Variants in DNTT observed in about 807,000 individuals in gnomAD.
The protein encoded by DNTT is DNA nucleotidylexotransferase, also known as nucleosidetriphosphate:DNA deoxynucleotidylexotransferase.
DNTT carries 47 observed loss-of-function variants against 60.9 expected under a neutral mutation model. The ratio of observed to expected loss-of-function variants is 0.77; its 90% CI spans 0.61 to 0.98. The LOEUF is 0.98. Among genes scored for constraint, DNTT ranks in the 50% least tolerant of loss-of-function variants. DNTT has a pLI of 0.00. For missense variants in DNTT, 665 were observed against 627.5 expected (o/e 1.06, Z -0.64); for synonymous variants, 224 against 221.2 (o/e 1.01, Z -0.11).
intron 1 of DNTT, among the ~76,000 whole-genome samples, chr10:96,313,724 G>A (rs868085384): frequency 3.3e-5 from 5 of 152,212 alleles, no homozygotes; most frequent in African/African-American, 9.6e-5. Flanking sequence ...TTATATGCCA[G>A]TATTTATTGT....
In DNTT at chr10:96,319,259, T is replaced by C. The variant is rs1306352959; in HGVS notation, c.379-3T>C. 7 of 1,611,988 alleles carry C rather than the reference T, an allele frequency of 4.3e-6. No homozygotes were observed. The highest frequency in any genetic ancestry group is 1.3e-5 in the African/African-American group (1 of 74,854). On this transcript the variant is annotated splice_region_variant and splice_polypyrimidine_tract_variant and intron_variant, in intron 2 of 10. Transcript: ENST00000371174. ...GAAAATGGATGCTTATGCATTTGTT[T>C]AGGTGAGAAGAGACTATTCAGATAG...
In DNTT at chr10:96,328,036, TAA is replaced by T. The variant is rs1361738859; in HGVS notation, c.1007+437_1007+438del. ...TTGTTCCTGTGTGTGGTTTCTCCAC[TAA>T]GTTTGTAGAGCTTAGTTCTCAGCAA... On this transcript the variant is annotated intron_variant, in intron 7 of 10. Transcript: ENST00000371174. Among the ~76,000 whole-genome samples the T allele has an allele frequency of 6.6e-5, 10 of 152,320 alleles. No homozygotes were observed. The East Asian group carries it at 1.9e-3, about 29-fold the overall frequency.
In DNTT at chr10:96,338,325, C is replaced by A; in HGVS notation, c.*101C>A. The A allele has an allele frequency of 9.3e-7, 1 of 1,073,826 alleles. No homozygotes were observed. The highest frequency in any genetic ancestry group is 1.3e-6 in the Non-Finnish European group (1 of 750,578). 66.5% of individuals were successfully genotyped at this position (1,073,826 alleles called of 1,614,324 possible). A position where few individuals can be genotyped will look rare whatever the true frequency, so the allele number is the denominator to read the frequency against. ...TAGGAGAGTTTGGGGTTATTTAGGT[C>A]TTATTGAAATGCAGATTGCTACTAG... is the stretch of plus-strand genomic sequence containing the variant. On this transcript the variant is annotated 3_prime_UTR_variant, in exon 11 of 11. Transcript: ENST00000371174.
chr10:96,307,701 G>GTATA (rs1197196328), intron 1 of DNTT, among the ~76,000 whole-genome samples: 178 of 85,008 alleles, frequency 2.1e-3, no homozygotes, highest in African/African-American at 5.8e-3. Flanking sequence ...GTGTGTGTGT[G>GTATA]TGTGTATATA....
intron 1 of DNTT, among the ~76,000 whole-genome samples, chr10:96,318,132 T>C (rs1163914336): frequency 6.6e-6 from 1 of 152,180 alleles, no homozygotes; most frequent in Non-Finnish European, 1.5e-5. Flanking sequence ...AATGTTGTCT[T>C]TATTGTTCGT....
At chr10:96,313,690 T>G (rs973182853) in intron 1 of DNTT, among the ~76,000 whole-genome samples, 6 of 152,224 alleles carry the variant, frequency 3.9e-5, no homozygotes, top group Admixed American at 6.5e-5. Context: ...TAGTCACAAG[T>G]ATTTCTTTCT....
chr10:96,322,580 A>G, intron 4 of DNTT, 77 bp from the exon 5 acceptor site: 1 of 1,184,612 alleles, frequency 8.4e-7, no homozygotes, highest in Non-Finnish European at 1.2e-6. Flanking sequence ...CCAAACTACT[A>G]GGTCCATGAA....
At chr10:96,307,777 A>ATATATAT (rs768634575) in intron 1 of DNTT, among the ~76,000 whole-genome samples, 14 of 126,032 alleles carry the variant, frequency 1.1e-4, no homozygotes, top group African/African-American at 4.3e-4. Context: ...ATATATATAT[A>ATATATAT]TTTTTTTTTT....
intron 2 of DNTT, 82 bp from the exon 3 acceptor site, chr10:96,319,180 C>A: frequency 6.7e-7 from 1 of 1,493,660 alleles, no homozygotes; most frequent in Non-Finnish European, 9.0e-7. Flanking sequence ...CAACTACAGA[C>A]AACTACTTCC....
intron 2 of DNTT, 66 bp downstream of exon 2, chr10:96,318,592 A>C: frequency 6.4e-7 from 1 of 1,554,458 alleles, no homozygotes; most frequent in Non-Finnish European, 8.7e-7. Context: ...GCTTAGGATC[A>C]ACGGAGCTGG....
chr10:96,331,616 T>C (rs1845007671), intron 8 of DNTT, among the ~76,000 whole-genome samples: 1 of 152,092 alleles, frequency 6.6e-6, no homozygotes, highest in South Asian at 2.1e-4. Flanking sequence ...GCACAAGTCA[T>C]TCATGAGAGA....
At position 96,328,801 on chromosome 10, in the gene DNTT, C is replaced by T. The variant is rs769662265; in HGVS notation, c.1084C>T (p.Gln362Ter). The change falls in exon 8 of 11, where the codon CAG (glutamine) becomes TAG (stop). Residue 362 changes from glutamine (Q) to a stop codon, truncating the protein, a stop_gained. Transcript: ENST00000371174. LOFTEE classifies it high-confidence loss of function. ...AACAGAGGATGAAGAGCAACTTTTA[C>T]AGAAAGTGATGAACTTATGGGAAAA... Reference protein sequence around the residue: ...GSTEDEEQLLQKVMNLWEKKG... With the variant: ...GSTEDEEQLL 1.9e-6 allele frequency: 3 copies of T among 1,613,448 alleles called. No individual in the cohort carries two copies. The highest frequency in any genetic ancestry group is 2.5e-6 in the Non-Finnish European group (3 of 1,179,824).
At chr10:96,318,289 A>G in intron 1 of DNTT, 63 bp from the exon 2 acceptor site, 1 of 1,546,402 alleles carries the variant, frequency 6.5e-7, no homozygotes, top group Non-Finnish European at 8.8e-7. Flanking sequence ...AACCTTGAGG[A>G]AAGAGGAGAG....
At chr10:96,315,800 A>G (rs960888487) in intron 1 of DNTT, among the ~76,000 whole-genome samples, 7 of 152,038 alleles carry the variant, frequency 4.6e-5, no homozygotes, top group African/African-American at 1.7e-4. Flanking sequence ...AGGCAGAAAT[A>G]TAGATGGAAA....
Position 96,327,603 on chromosome 10 carries a change from A to G in DNTT, c.1007+3A>G. The stretch of plus-strand genomic sequence containing the variant: ...ACCATGACAGGAGGGTTCCGGAGGT[A>G]AATAACTTGGGTGGCTTTGCCTCCT... On this transcript the variant is annotated splice_donor_region_variant and intron_variant, in intron 7 of 10. Transcript: ENST00000371174. 1 of 1,611,600 alleles carries G rather than the reference A, an allele frequency of 6.2e-7. No individual in the cohort carries two copies. The highest frequency in any genetic ancestry group is 1.3e-5 in the African/African-American group (1 of 75,000).
chr10:96,328,073 A>G (rs1844959857), intron 7 of DNTT, among the ~76,000 whole-genome samples: 1 of 152,218 alleles, frequency 6.6e-6, no homozygotes, highest in African/African-American at 2.4e-5. Context: ...AGACTAGTTC[A>G]TGATGCCTAG....
intron 6 of DNTT, 88 bp downstream of exon 6, chr10:96,324,477 TG>T (rs1321188439): frequency 6.5e-7 from 1 of 1,544,584 alleles, no homozygotes; most frequent in Non-Finnish European, 8.8e-7. Context: ...AACTCCAATC[TG>T]GGAGAGCTGG....
chr10:96,324,518 GA>G, intron 6 of DNTT, 129 bp downstream of exon 6: 1 of 1,403,530 alleles, frequency 7.1e-7, no homozygotes. Flanking sequence ...TTGATGCTTG[GA>G]TCTAAATCCT....
At position 96,318,541 on chromosome 10, in the gene DNTT, TGTG is replaced by T; in HGVS notation, c.378+16_378+18del. ...ACCAGCTTGTTGTAAGTGTCATGGG[TGTG>T]ATTTTCACTGTTCTTTGCTTGATGG... On this transcript the variant is annotated intron_variant, in intron 2 of 10. Transcript: ENST00000371174. The T allele has an allele frequency of 6.2e-7, 1 of 1,611,092 alleles. No individual in the cohort carries two copies. Among genetic ancestry groups the T allele is most frequent in the Non-Finnish European group, 8.5e-7 (1 of 1,178,366 alleles).
Sources: allele counts gnomAD v4.1 joint callset (sites outside exome capture counted in the v4.1 genomes callset), GRCh38; gene constraint gnomAD v4.1.1; transcripts MANE v1.5; gene names NCBI Gene and HGNC (gene_info 2026-07-23, HGNC 2026-07-21).